CCSER1: variants seen among roughly 807,000 people sequenced by gnomAD.
CCSER1 encodes coiled-coil serine rich protein 1, also known as serine-rich coiled-coil domain-containing protein 1.
In CCSER1, 41 loss-of-function variants were observed where a neutral mutation model predicts 82.0. That is an observed-to-expected ratio of 0.50 (90% CI 0.39 to 0.65). The LOEUF is 0.65. CCSER1 is among the 30% of genes least tolerant of loss of function. CCSER1 has a pLI of 0.00. For missense variants in CCSER1, 1,119 were observed against 1,064.2 expected, an observed-to-expected ratio of 1.05 and a Z score of -0.72; for synonymous variants, 414 against 383.9, an observed-to-expected ratio of 1.08 and a Z score of -0.92.
chr4:90,442,808 T>G (rs1560524633), intron 4 of CCSER1, among the ~76,000 whole-genome samples: 1 of 152,188 alleles, frequency 6.6e-6, no homozygotes, highest in Non-Finnish European at 1.5e-5. Context: ...GGCAAGTAAT[T>G]TTATCCTCCT....
intron 10 of CCSER1, among the ~76,000 whole-genome samples, chr4:91,143,258 T>G (rs1275341113): frequency 6.6e-6 from 1 of 151,982 alleles, no homozygotes; most frequent in African/African-American, 2.4e-5. Flanking sequence ...AATTTGATTT[T>G]TTTTTTTTAT....
intron 7 of CCSER1, among the ~76,000 whole-genome samples, chr4:90,750,095 G>T (rs888297292): frequency 2.3e-4 from 35 of 151,848 alleles, no homozygotes; most frequent in Non-Finnish European, 4.6e-4. Flanking sequence ...GTCTTCTTTT[G>T]AGAAGTGTCT....
chr4:90,928,350 A>G (rs1013833159), intron 9 of CCSER1, among the ~76,000 whole-genome samples: 1 of 152,018 alleles, frequency 6.6e-6, no homozygotes, highest in Non-Finnish European at 1.5e-5. Context: ...ATCCAGTGGT[A>G]ATGTTCTAAG....
chr4:90,940,098 G>T (rs1173291410), intron 9 of CCSER1, among the ~76,000 whole-genome samples: 2 of 151,964 alleles, frequency 1.3e-5, no homozygotes, highest in African/African-American at 4.8e-5. Flanking sequence ...CTTTTACCAG[G>T]CTACCAAGAC....
intron 7 of CCSER1, among the ~76,000 whole-genome samples, chr4:90,810,644 T>TCAACAA (rs34797230): frequency 2.6e-3 from 334 of 128,540 alleles, no homozygotes; most frequent in Middle Eastern, 0.015. Flanking sequence ...AGACTCCCTC[T>TCAACAA]CAACAACAAC....
chr4:90,979,997 T>A, intron 9 of CCSER1, among the ~76,000 whole-genome samples: 1 of 147,862 alleles, frequency 6.8e-6, no homozygotes, highest in South Asian at 2.2e-4. Context: ...TAAAAAAAAA[T>A]AATAAACTGA....
In CCSER1 at chr4:91,017,841, G is replaced by GTGTA. The variant is rs1554057227; in HGVS notation, c.2173-68108_2173-68107insGTAT. On this transcript the variant is annotated intron_variant, in intron 9 of 10. Coordinates refer to ENST00000509176, the MANE Select transcript of CCSER1 (RefSeq NM_001145065.2). ...TGTGTGTGTGTGTGTGTGTGTGTGT[G>GTGTA]TATAAATTTTTTTAAGAGTCTCACT... Among the ~76,000 whole-genome samples the GTGTA allele has an allele frequency of 7.1e-3, 1,016 of 142,416 alleles. 17 individuals are homozygous for GTGTA. Among genetic ancestry groups the GTGTA allele is most frequent in the East Asian group, 0.029 (144 of 4,930 alleles). 93.4% of individuals were successfully genotyped at this position (142,416 alleles called of 152,430 possible).
intron 8 of CCSER1, among the ~76,000 whole-genome samples, chr4:90,851,045 G>A (rs981233238): frequency 6.6e-6 from 1 of 152,126 alleles, no homozygotes; most frequent in African/African-American, 2.4e-5. Context: ...TTTAAAAGGG[G>A]CTTCCCCCTT....
intron 7 of CCSER1, among the ~76,000 whole-genome samples, chr4:90,752,359 T>C: frequency 6.6e-6 from 1 of 152,246 alleles, no homozygotes; most frequent in Middle Eastern, 3.4e-3. Flanking sequence ...TGTGGAATAA[T>C]TCATTACATA....
At chr4:90,599,266 T>C (rs2148739227) in intron 5 of CCSER1, among the ~76,000 whole-genome samples, 1 of 152,250 alleles carries the variant, frequency 6.6e-6, no homozygotes, top group South Asian at 2.1e-4. Flanking sequence ...GACTGGATCA[T>C]GGGGTGGTTT....
chr4:91,570,868 G>C (rs571741868), intron 10 of CCSER1, among the ~76,000 whole-genome samples: 1 of 152,082 alleles, frequency 6.6e-6, no homozygotes, highest in Non-Finnish European at 1.5e-5. Context: ...CAGAAAATGG[G>C]TTTTTCTTTT....
chr4:90,834,072 C>A (rs937532155), intron 8 of CCSER1, among the ~76,000 whole-genome samples: 1 of 152,084 alleles, frequency 6.6e-6, no homozygotes, highest in African/African-American at 2.4e-5. Context: ...CTGCAGTATT[C>A]TCTTATAGCA....
intron 5 of CCSER1, among the ~76,000 whole-genome samples, chr4:90,604,049 T>C (rs769531584): frequency 6.6e-6 from 1 of 152,178 alleles, no homozygotes; most frequent in Admixed American, 6.5e-5. Context: ...GCCAGCAGCT[T>C]GTACATGGAT....
At chr4:91,589,035 C>T (rs1353781293) in intron 10 of CCSER1, among the ~76,000 whole-genome samples, 1 of 151,644 alleles carries the variant, frequency 6.6e-6, no homozygotes, top group African/African-American at 2.4e-5. Context: ...TACTATCCTC[C>T]AAAATTTGCT....
At chr4:91,283,765 C>G (rs1743085311) in intron 10 of CCSER1, among the ~76,000 whole-genome samples, 2 of 151,822 alleles carry the variant, frequency 1.3e-5, no homozygotes, top group African/African-American at 4.8e-5. Flanking sequence ...GTTACTAATG[C>G]TGACATCATT....
At chr4:90,759,251 G>A (rs910395593) in intron 7 of CCSER1, among the ~76,000 whole-genome samples, 1 of 152,110 alleles carries the variant, frequency 6.6e-6, no homozygotes, top group Admixed American at 6.5e-5. Flanking sequence ...TTCTCTAATA[G>A]ACTGTAATTA....
chr4:90,846,519 C>A (rs1359966771), intron 8 of CCSER1, among the ~76,000 whole-genome samples: 1 of 152,122 alleles, frequency 6.6e-6, no homozygotes, highest in Admixed American at 6.5e-5. Flanking sequence ...ATGATCAAAT[C>A]AAGGCATTTT....
At chr4:90,382,544 T>C (rs1749365570) in intron 3 of CCSER1, among the ~76,000 whole-genome samples, 2 of 152,076 alleles carry the variant, frequency 1.3e-5, no homozygotes, top group Non-Finnish European at 2.9e-5. Flanking sequence ...AATGATTTTA[T>C]TTTAGTAATT....
chr4:91,265,537 T>C lies in CCSER1; in HGVS notation c.2217+179543T>C, dbSNP rs143704186. Among the ~76,000 whole-genome samples the C allele has an allele frequency of 1.7e-3, 260 of 152,336 alleles. 2 individuals are homozygous for C. The highest frequency in any genetic ancestry group is 5.8e-3 in the African/African-American group (242 of 41,592). On this transcript the variant is annotated intron_variant, in intron 10 of 10. Transcript: ENST00000509176. Reference sequence around the variant, plus strand: ...GGAAAACTCTAGTTAACCTTCTCACTGGATTAATTCAAATGCCAGTTGTAT... The same window carrying C: ...GGAAAACTCTAGTTAACCTTCTCACCGGATTAATTCAAATGCCAGTTGTAT...
Sources: allele counts gnomAD v4.1 joint callset (sites outside exome capture counted in the v4.1 genomes callset), GRCh38; gene constraint gnomAD v4.1.1; transcripts MANE v1.5; gene names NCBI Gene and HGNC (gene_info 2026-07-23, HGNC 2026-07-21).